The following ADGRG5 variants were observed in gnomAD, a reference collection of about 807,000 sequenced individuals.
ADGRG5 encodes adhesion G protein-coupled receptor G5.
A neutral mutation model predicts 53.2 loss-of-function variants in ADGRG5; 37 were observed. The ratio of observed to expected loss-of-function variants is 0.70; its 90% CI spans 0.53 to 0.91. The LOEUF is 0.91. Ranked by LOEUF, ADGRG5 falls within the 40% of genes least tolerant of loss-of-function variation. The pLI is 0.00. For missense variants in ADGRG5, 614 were observed against 675.8 expected (o/e 0.91, Z 1.01); for synonymous variants, 277 against 290.4 (o/e 0.95, Z 0.47).
chr16:57,562,346 G>T, intron 2 of ADGRG5, 38 bp from the exon 3 acceptor site: 2 of 1,563,712 alleles, frequency 1.3e-6, no homozygotes, highest in Non-Finnish European at 1.7e-6. Context: ...CCAGAGGGCA[G>T]TTGAGACACA....
At chr16:57,562,027 A>C in intron 1 of ADGRG5, 29 bp from the exon 2 acceptor site, 6 of 1,344,896 alleles carry the variant, frequency 4.5e-6, no homozygotes, top group Non-Finnish European at 6.1e-6. Context: ...CTCTTTTATC[A>C]TCATGGTGAT....
intron 10 of ADGRG5, among the ~76,000 whole-genome samples, chr16:57,570,785 A>G (rs1438772033): frequency 1.3e-5 from 2 of 152,176 alleles, no homozygotes; most frequent in Non-Finnish European, 2.9e-5. Flanking sequence ...CCAACCTGCC[A>G]GGGCAGCCGG....
Position 57,567,947 on chromosome 16 carries a change from G to A in ADGRG5, c.913G>A (p.Ala305Thr), listed in dbSNP as rs374326352. The A allele has an allele frequency of 3.7e-6, 6 of 1,613,856 alleles. No homozygotes were observed. Among genetic ancestry groups the A allele is most frequent in the South Asian group, 3.3e-5 (3 of 91,080 alleles). ...CGCCTTCCTGCTGAGCCCCGCATTC[G>A]CAATGTCTCCTGTGCCCGGGTCAGC... is the stretch of plus-strand genomic sequence containing the variant. ...NIAFLLSPAF[A>T]MSPVPGSACT... is the part of the protein sequence containing the mutation. The change falls in exon 9 of 12, where the codon GCA (alanine) becomes ACA (threonine). Residue 305 changes from alanine to threonine, a missense_variant. Coordinates refer to ENST00000349457, the MANE Select transcript of ADGRG5 (RefSeq NM_001304376.3).
Position 57,576,251 on chromosome 16 carries a change from G to C in ADGRG5, c.*713G>C, listed in dbSNP as rs923786859. 6.6e-6 allele frequency: 1 copy of C among 152,256 alleles called. No homozygotes were observed. Among genetic ancestry groups the C allele is most frequent in the Non-Finnish European group, 1.5e-5 (1 of 68,114 alleles). The allele number at this position is 152,256 out of a possible 1,614,324, so 9.4% of individuals were successfully genotyped here. A position where few individuals can be genotyped will look rare whatever the true frequency, so the allele number is the denominator to read the frequency against. On this transcript the variant is annotated 3_prime_UTR_variant, in exon 12 of 12. Coordinates refer to ENST00000349457, the MANE Select transcript of ADGRG5 (RefSeq NM_001304376.3). ...GCCCACCCTTCCCAAAGATTGGGAG[G>C]TTCCGCCGTTCCCAGAGGCTCCTCC...
chr16:57,562,218 A>G, intron 2 of ADGRG5, 61 bp downstream of exon 2: 2 of 1,514,536 alleles, frequency 1.3e-6, no homozygotes, highest in Non-Finnish European at 1.8e-6. Flanking sequence ...GTGATGCAAA[A>G]GGGGGAGGCG....
chr16:57,574,727 G>A lies in ADGRG5; in HGVS notation c.1209-88G>A. The A allele has an allele frequency of 7.2e-7, 1 of 1,393,078 alleles. No individual in the cohort carries two copies. The highest frequency in any genetic ancestry group is 9.6e-7 in the Non-Finnish European group (1 of 1,038,070). The allele number at this position is 1,393,078 out of a possible 1,614,324, so 86.3% of individuals were successfully genotyped here. Reference sequence around the variant, plus strand: ...CAAGAAACAATAGGGCCTGAGCCAGGAGACCGAGTGGGGCTTCAGGGAGTG... The same window carrying A: ...CAAGAAACAATAGGGCCTGAGCCAGAAGACCGAGTGGGGCTTCAGGGAGTG... On this transcript the variant is annotated intron_variant, in intron 10 of 11. Transcript: ENST00000349457. The surrounding 1 kb of genome is among the most constrained non-coding windows in gnomAD (Gnocchi z 4.4).
intron 4 of ADGRG5, 126 bp from the exon 5 acceptor site, chr16:57,563,722 G>T (rs878896302): frequency 2.5e-5 from 30 of 1,212,570 alleles, no homozygotes; most frequent in South Asian, 2.1e-4. Flanking sequence ...GATGCAGCCT[G>T]GGGGGAGAAG....
intron 1 of ADGRG5, among the ~76,000 whole-genome samples, chr16:57,543,546 G>C (rs757432761): frequency 6.6e-6 from 1 of 152,128 alleles, no homozygotes; most frequent in Non-Finnish European, 1.5e-5. Flanking sequence ...GCCTCCCAAA[G>C]TGCTGGGATT....
chr16:57,530,181 C>T, the ADGRG5 span, among the ~76,000 whole-genome samples: 2 of 152,152 alleles, frequency 1.3e-5, no homozygotes, highest in African/African-American at 4.8e-5. Flanking sequence ...CGGAACCACC[C>T]CTCCCTGACA....
chr16:57,547,403 T>C (rs2032644174), intron 1 of ADGRG5, among the ~76,000 whole-genome samples: 1 of 152,242 alleles, frequency 6.6e-6, no homozygotes, highest in Non-Finnish European at 1.5e-5. Context: ...CACTCAGTGA[T>C]ATGCTGTGCT....
chr16:57,561,028 C>G (rs935436772), intron 1 of ADGRG5, among the ~76,000 whole-genome samples: 2 of 152,242 alleles, frequency 1.3e-5, no homozygotes, highest in African/African-American at 2.4e-5. Flanking sequence ...ATCCTCCTGC[C>G]TTGGCCTCCC....
chr16:57,529,772 C>T, the ADGRG5 span, among the ~76,000 whole-genome samples: 1 of 152,178 alleles, frequency 6.6e-6, no homozygotes, highest in Non-Finnish European at 1.5e-5. This position sits in a 1 kb window ranked among gnomAD's most constrained non-coding sequence, Gnocchi z 4.1. Context: ...AGGCCAGGTC[C>T]ATCAGCCCCT....
chr16:57,566,193 C>G (rs1006837971), intron 6 of ADGRG5: 1 of 162,700 alleles, frequency 6.1e-6, no homozygotes, highest in African/African-American at 2.4e-5. Context: ...GATGAGTCTC[C>G]CCCAACCAGG....
chr16:57,565,310 C>T (rs1596790130), intron 6 of ADGRG5, 160 bp downstream of exon 6: 1 of 644,342 alleles, frequency 1.6e-6, no homozygotes, highest in East Asian at 2.6e-5. Flanking sequence ...GAAGTTTTTA[C>T]TCATGCATTT....
At chr16:57,555,565 T>C (rs1443426472) in intron 1 of ADGRG5, among the ~76,000 whole-genome samples, 1 of 152,238 alleles carries the variant, frequency 6.6e-6, no homozygotes, top group African/African-American at 2.4e-5. Context: ...ATTTTGCAAC[T>C]ATAAGTGTTG....
intron 1 of ADGRG5, among the ~76,000 whole-genome samples, chr16:57,554,877 T>G (rs1419593774): frequency 6.6e-6 from 1 of 152,218 alleles, no homozygotes; most frequent in South Asian, 2.1e-4. Context: ...TCATTTTTAT[T>G]CAGTTGAATA....
intron 1 of ADGRG5, among the ~76,000 whole-genome samples, chr16:57,544,159 G>A (rs538696920): frequency 2.0e-5 from 3 of 152,176 alleles, no homozygotes; most frequent in Non-Finnish European, 4.4e-5. Context: ...GCCCTGGACC[G>A]TGGAGGCCTG....
chr16:57,565,168 C>G lies in ADGRG5; in HGVS notation c.546+18C>G, dbSNP rs756722814. On this transcript the variant is annotated intron_variant, in intron 6 of 11. Coordinates refer to ENST00000349457, the MANE Select transcript of ADGRG5 (RefSeq NM_001304376.3). ...AAAGCCTGGTACTGCTGGGGGCGCC[C>G]CCGTTTCCACTGCACCCCTGCCCCT... is the stretch of plus-strand genomic sequence containing the variant. 2.1e-6 allele frequency: 3 copies of G among 1,452,634 alleles called. No individual in the cohort carries two copies. Among genetic ancestry groups the G allele is most frequent in the Non-Finnish European group, 2.9e-6 (3 of 1,033,274 alleles). 90.0% of individuals were successfully genotyped at this position (1,452,634 alleles called of 1,614,324 possible).
chr16:57,531,601 A>G, the ADGRG5 span, among the ~76,000 whole-genome samples: 1 of 152,098 alleles, frequency 6.6e-6, no homozygotes, highest in East Asian at 1.9e-4. Context: ...TGTCATTACC[A>G]ATACTGATTC....
Sources: gnomAD v4.1 joint callset for allele counts (sites outside exome capture counted in the v4.1 genomes callset) on GRCh38, gnomAD v4.1.1 for gene constraint, Gnocchi (gnomAD v3.1) non-coding constraint, MANE v1.5 for transcripts, NCBI Gene and HGNC (gene_info 2026-07-23, HGNC 2026-07-21) for gene names.